Variants in SIPA1L1 observed in about 807,000 individuals in gnomAD.
SIPA1L1 encodes the protein signal-induced proliferation-associated 1-like protein 1.
A neutral mutation model predicts 162.7 loss-of-function variants in SIPA1L1; 26 were observed. The observed-to-expected ratio is 0.16, with a 90% CI of 0.12 to 0.22. The LOEUF (loss-of-function observed/expected upper bound fraction) is 0.22, where lower values mean the gene tolerates loss of function less well. Among genes scored for constraint, SIPA1L1 ranks in the 10% least tolerant of loss-of-function variants. The probability of loss-of-function intolerance (pLI) is 1.00; values close to 1 mark genes in which losing one functional copy is unlikely to be tolerated. For synonymous variants in SIPA1L1, 829 were observed against 837.4 expected, an observed-to-expected ratio of 0.99 and a Z score of 0.17; for missense variants, 1,874 against 2,241.0, an observed-to-expected ratio of 0.84 and a Z score of 3.31.
intron 8 of SIPA1L1, among the ~76,000 whole-genome samples, chr14:71,650,903 C>T (rs1412980318): frequency 2.0e-5 from 3 of 152,118 alleles, no homozygotes; most frequent in African/African-American, 4.8e-5. Context: ...TCATAGTCTT[C>T]ATGTTTATCT....
intron 5 of SIPA1L1, among the ~76,000 whole-genome samples, chr14:71,605,874 G>C (rs1440075453): frequency 1.3e-5 from 2 of 152,182 alleles, no homozygotes; most frequent in Non-Finnish European, 2.9e-5. Context: ...TTGGATACCA[G>C]TAATGTTGGC....
At chr14:71,700,940 GC>G (rs1300838151) in intron 14 of SIPA1L1, among the ~76,000 whole-genome samples, 2 of 129,726 alleles carry the variant, frequency 1.5e-5, no homozygotes, top group Non-Finnish European at 3.1e-5. Flanking sequence ...CTTGCAGTGA[GC>G]CCGAGATTGC....
At chr14:71,357,257 T>C (rs1222635471) in intron 2 of SIPA1L1, among the ~76,000 whole-genome samples, 1 of 146,178 alleles carries the variant, frequency 6.8e-6, no homozygotes, top group African/African-American at 2.6e-5. Context: ...TTATCTGAAG[T>C]TTTTTTTTGT....
chr14:71,413,373 CTGAA>C (rs2042541569), intron 2 of SIPA1L1, among the ~76,000 whole-genome samples: 2 of 152,158 alleles, frequency 1.3e-5, no homozygotes, highest in Non-Finnish European at 2.9e-5. Flanking sequence ...TGTGGACAGA[CTGAA>C]TGAATAGCCA....
At chr14:71,331,463 T>C (rs1377774375) in intron 2 of SIPA1L1, among the ~76,000 whole-genome samples, 1 of 152,244 alleles carries the variant, frequency 6.6e-6, no homozygotes, top group Non-Finnish European at 1.5e-5. Flanking sequence ...GCAGAACGTA[T>C]GAGGCTACCA....
At chr14:71,343,525 G>A (rs1225663251) in intron 2 of SIPA1L1, among the ~76,000 whole-genome samples, 2 of 152,102 alleles carry the variant, frequency 1.3e-5, no homozygotes, top group African/African-American at 4.8e-5. Context: ...ATAAGACTTC[G>A]TGGAAAATTT....
intron 10 of SIPA1L1, among the ~76,000 whole-genome samples, chr14:71,665,161 A>T (rs188946199): frequency 6.6e-6 from 1 of 152,314 alleles, no homozygotes; most frequent in East Asian, 1.9e-4. Context: ...GACTGTCATT[A>T]TCCATTTATT....
intron 2 of SIPA1L1, among the ~76,000 whole-genome samples, chr14:71,488,093 A>T (rs1878648815): frequency 6.6e-6 from 1 of 152,158 alleles, no homozygotes. Flanking sequence ...AGATATCTAG[A>T]AAAGGAGATG....
At chr14:71,713,617 T>TCTCATAA (rs553913028) in intron 17 of SIPA1L1, among the ~76,000 whole-genome samples, 207 of 152,320 alleles carry the variant, frequency 1.4e-3, no homozygotes, top group Non-Finnish European at 2.4e-3. Flanking sequence ...TTCTGGTTGA[T>TCTCATAA]GGTTCATGCC....
At chr14:71,337,039 T>TGTG (rs2035168635) in intron 2 of SIPA1L1, among the ~76,000 whole-genome samples, 1 of 152,226 alleles carries the variant, frequency 6.6e-6, no homozygotes, top group Non-Finnish European at 1.5e-5. Flanking sequence ...TCTTGTCTGA[T>TGTG]CATTCTTTCT....
chr14:71,653,906 C>G (rs1163706909), intron 8 of SIPA1L1, among the ~76,000 whole-genome samples: 3 of 152,066 alleles, frequency 2.0e-5, no homozygotes, highest in African/African-American at 7.2e-5. Context: ...TAGAATAGAT[C>G]CCAGTAGTGT....
chr14:71,519,968 G>T (rs192420154), intron 3 of SIPA1L1, among the ~76,000 whole-genome samples: 2 of 152,274 alleles, frequency 1.3e-5, no homozygotes, highest in East Asian at 3.9e-4. Context: ...TTAGCTGGTT[G>T]TGGTGGCAGC....
intron 16 of SIPA1L1, among the ~76,000 whole-genome samples, 163 bp downstream of exon 16, chr14:71,705,503 C>T (rs1398910728): frequency 2.0e-5 from 3 of 152,056 alleles, no homozygotes; most frequent in Non-Finnish European, 2.9e-5. Flanking sequence ...CTGCCATGGC[C>T]TTTAGATTGC....
intron 4 of SIPA1L1, among the ~76,000 whole-genome samples, chr14:71,563,391 C>T (rs910920466): frequency 2.7e-5 from 4 of 150,238 alleles, no homozygotes; most frequent in Non-Finnish European, 4.4e-5. Context: ...TCTTGGATTT[C>T]GTATTTTCTT....
chr14:71,594,425 A>C (rs1481621098), intron 5 of SIPA1L1, among the ~76,000 whole-genome samples: 3 of 152,132 alleles, frequency 2.0e-5, no homozygotes, highest in Non-Finnish European at 4.4e-5. Context: ...TTGTTTATTC[A>C]GTTTTTTTTG....
At position 71,707,810 on chromosome 14, in the gene SIPA1L1, T is replaced by C. The variant is rs558087854; in HGVS notation, c.3766-1412T>C. Among the ~76,000 whole-genome samples, 6 of 151,664 alleles carry C rather than the reference T, an allele frequency of 4.0e-5. No homozygotes were observed. In the South Asian group the frequency reaches 1.0e-3, roughly 26 times the overall value. The stretch of plus-strand genomic sequence containing the variant: ...AACATGCCTTTTTATTTCTCTTGGG[T>C]ATATATATATACCAACGTAGAATTG... On this transcript the variant is annotated intron_variant, in intron 16 of 23. Coordinates refer to ENST00000381232, the MANE Select transcript of SIPA1L1 (RefSeq NM_001386936.1).
chr14:71,646,637 A>G (rs2042199113), intron 7 of SIPA1L1, among the ~76,000 whole-genome samples: 1 of 152,190 alleles, frequency 6.6e-6, no homozygotes, highest in Admixed American at 6.5e-5. Flanking sequence ...CCCTTGTCCC[A>G]TTGGACTGAC....
At chr14:71,492,159 T>C (rs2049336950) in intron 2 of SIPA1L1, among the ~76,000 whole-genome samples, 1 of 152,156 alleles carries the variant, frequency 6.6e-6, no homozygotes, top group African/African-American at 2.4e-5. Context: ...GGTGGTATAG[T>C]AACTCAGTTT....
At chr14:71,374,003 A>G (rs1393960954) in intron 2 of SIPA1L1, among the ~76,000 whole-genome samples, 1 of 152,210 alleles carries the variant, frequency 6.6e-6, no homozygotes, top group Non-Finnish European at 1.5e-5. Context: ...GTGTCCATTC[A>G]GGGCAGCTCT....
Sources: allele counts gnomAD v4.1 joint callset (sites outside exome capture counted in the v4.1 genomes callset), GRCh38; gene constraint gnomAD v4.1.1; transcripts MANE v1.5; gene names NCBI Gene and HGNC (gene_info 2026-07-23, HGNC 2026-07-21).